The following TRPC3 variants were observed in gnomAD, a reference collection of about 807,000 sequenced individuals.
The protein encoded by TRPC3 is short transient receptor potential channel 3.
Under a neutral mutation model 90.9 loss-of-function variants are expected in TRPC3, and 54 were observed. The observed-to-expected ratio is 0.59, with a 90% CI of 0.48 to 0.75. The LOEUF is 0.75. Among genes scored for constraint, TRPC3 ranks in the 30% least tolerant of loss-of-function variants. TRPC3 has a pLI of 0.00. For synonymous variants in TRPC3, 424 were observed against 450.9 expected, an observed-to-expected ratio of 0.94 and a Z score of 0.75; for missense variants, 918 against 1,194.5, an observed-to-expected ratio of 0.77 and a Z score of 3.41.
chr4:121,946,986 C>T (rs1730510787), intron 1 of TRPC3, among the ~76,000 whole-genome samples: 1 of 151,704 alleles, frequency 6.6e-6, no homozygotes, highest in Admixed American at 6.6e-5. Context: ...AGTTAGAGAC[C>T]AGCCTGGGCA....
At position 121,902,842 on chromosome 4, in the gene TRPC3, C is replaced by T. The variant is rs199536092; in HGVS notation, c.2463+10G>A. 4.7e-4 allele frequency: 739 copies of T among 1,570,926 alleles called. No homozygotes were observed. Among genetic ancestry groups the T allele is most frequent in the African/African-American group, 1.9e-3 (140 of 72,906 alleles). ...TTATTTTAAGGTCTTGGTAAGTTTT[C>T]GATACCTACCCTGGACTTTGAGTTA... is the stretch of plus-strand genomic sequence containing the variant. On this transcript the variant is annotated intron_variant, in intron 9 of 11. Transcript: ENST00000379645.
At position 121,875,138 on chromosome 4, in the gene TRPC3, A is replaced by G. The variant is rs1259396208; in HGVS notation, c.*4598T>C. 6.6e-6 allele frequency among the ~76,000 whole-genome samples: 1 copy of G among 152,088 alleles called. No individual in the cohort carries two copies. The highest frequency in any genetic ancestry group is 6.5e-5 in the Admixed American group (1 of 15,272). On this transcript the variant is annotated 3_prime_UTR_variant, in exon 12 of 12. Coordinates refer to ENST00000379645, the MANE Select transcript of TRPC3 (RefSeq NM_001130698.2). Reference sequence around the variant, plus strand: ...ATGGTTCTAATAAATAGGTAAAAAAAAAAACACCAAAGACAGACAATGCTG... The same window carrying G: ...ATGGTTCTAATAAATAGGTAAAAAAGAAAACACCAAAGACAGACAATGCTG...
At chr4:121,929,791 A>G (rs538034672) in intron 2 of TRPC3, among the ~76,000 whole-genome samples, 2 of 152,238 alleles carry the variant, frequency 1.3e-5, no homozygotes, top group South Asian at 4.1e-4. Flanking sequence ...ACTAGATATT[A>G]TAGGCCATTG....
intron 1 of TRPC3, among the ~76,000 whole-genome samples, chr4:121,946,853 C>A (rs1409796531): frequency 6.6e-6 from 1 of 152,056 alleles, no homozygotes; most frequent in Non-Finnish European, 1.5e-5. Flanking sequence ...TTGCTATATA[C>A]AACTGATAAT....
At chr4:121,924,447 C>A (rs191944305) in intron 3 of TRPC3, among the ~76,000 whole-genome samples, 5 of 152,302 alleles carry the variant, frequency 3.3e-5, no homozygotes, top group Admixed American at 1.3e-4. Context: ...AAGGTCCCAC[C>A]ATGGGTAAAA....
chr4:121,909,016 T>C (rs1217460437), intron 6 of TRPC3, among the ~76,000 whole-genome samples: 2 of 152,078 alleles, frequency 1.3e-5, no homozygotes, highest in Admixed American at 6.6e-5. Context: ...ACAATACATA[T>C]AGGAGATAGG....
chr4:121,904,400 T>G lies in TRPC3; in HGVS notation c.2175A>C (p.Gly725=). 1 of 1,607,752 alleles carries G rather than the reference T, an allele frequency of 6.2e-7. No homozygotes were observed. Among genetic ancestry groups the G allele is most frequent in the Non-Finnish European group, 8.5e-7 (1 of 1,178,344 alleles). The part of the protein sequence containing the change: ...FIENIGYVLY[G]IYNVTMVVVL... ...CGACCACCATAGTTACATTGTATAT[T>G]CCATAAAGAACGTATCCAATATTTT... The change falls in exon 8 of 12, where the codon GGA becomes GGC. Residue 725 remains glycine, a synonymous_variant. Transcript: ENST00000379645.
At position 121,878,866 on chromosome 4, in the gene TRPC3, G is replaced by A. The variant is rs1268752021; in HGVS notation, c.*870C>T. Among the ~76,000 whole-genome samples the A allele has an allele frequency of 1.3e-5, 2 of 152,094 alleles. No individual in the cohort carries two copies. The highest frequency in any genetic ancestry group is 4.8e-5 in the African/African-American group (2 of 41,404). On this transcript the variant is annotated 3_prime_UTR_variant, in exon 12 of 12. Transcript: ENST00000379645. ...AACTCAGCAGGGAGCTCACAGGTGA[G>A]ATATGAAGTCAGCTGTTGATATCTC...
chr4:121,909,895 CT>C (rs1168867815), intron 6 of TRPC3, among the ~76,000 whole-genome samples: 1 of 152,024 alleles, frequency 6.6e-6, no homozygotes, highest in Non-Finnish European at 1.5e-5. Context: ...TTTCTTCCAC[CT>C]TGCAATATTG....
intron 6 of TRPC3, among the ~76,000 whole-genome samples, chr4:121,908,570 C>CT (rs1371404925): frequency 7.2e-5 from 11 of 152,070 alleles, no homozygotes. Context: ...AAATCATGTC[C>CT]TTTGCAGCAA....
intron 10 of TRPC3, among the ~76,000 whole-genome samples, chr4:121,884,372 G>A (rs1280549599): frequency 6.6e-6 from 1 of 152,198 alleles, no homozygotes; most frequent in Admixed American, 6.5e-5. Flanking sequence ...GTGCATATAA[G>A]TAGAGGCAAT....
chr4:121,922,176 C>G lies in TRPC3; in HGVS notation c.1176+2842G>C, dbSNP rs532894386. Reference sequence around the variant, plus strand: ...TGACCTCGTGATCCACCTGCCTCGGCCCCCCAAAGTGCTGGGATTACAGGT... The same window carrying G: ...TGACCTCGTGATCCACCTGCCTCGGGCCCCCAAAGTGCTGGGATTACAGGT... On this transcript the variant is annotated intron_variant, in intron 3 of 11. Coordinates refer to ENST00000379645, the MANE Select transcript of TRPC3 (RefSeq NM_001130698.2). Among the ~76,000 whole-genome samples, 112 of 152,068 alleles carry G rather than the reference C, an allele frequency of 7.4e-4. 1 individual carries two copies. The highest frequency in any genetic ancestry group is 2.5e-3 in the African/African-American group (104 of 41,478).
At chr4:121,943,099 T>C (rs940484047) in intron 1 of TRPC3, among the ~76,000 whole-genome samples, 2 of 152,202 alleles carry the variant, frequency 1.3e-5, no homozygotes, top group Admixed American at 6.5e-5. Flanking sequence ...TTTTAGTATA[T>C]GGTGATGAAT....
At chr4:121,888,216 C>G (rs981693025) in intron 10 of TRPC3, among the ~76,000 whole-genome samples, 1 of 152,086 alleles carries the variant, frequency 6.6e-6, no homozygotes, top group African/African-American at 2.4e-5. Context: ...ATATTTGAAT[C>G]TCTGTCTTTG....
chr4:121,919,224 A>G (rs1729421595), intron 3 of TRPC3, among the ~76,000 whole-genome samples: 1 of 152,174 alleles, frequency 6.6e-6, no homozygotes. Flanking sequence ...CAAATTTTAA[A>G]CTTAAAAATT....
chr4:121,930,920 T>C, intron 2 of TRPC3: 2 of 292,716 alleles, frequency 6.8e-6, no homozygotes, highest in Non-Finnish European at 1.3e-5. Context: ...AGGGGTTAGA[T>C]ATAAGGTAAG....
At chr4:121,896,990 G>A (rs925820137) in intron 10 of TRPC3, among the ~76,000 whole-genome samples, 7 of 151,958 alleles carry the variant, frequency 4.6e-5, no homozygotes, top group African/African-American at 1.7e-4. Context: ...TAATCCATGT[G>A]TCTATAACCA....
At chr4:121,894,088 A>T (rs969272230) in intron 10 of TRPC3, among the ~76,000 whole-genome samples, 6 of 152,182 alleles carry the variant, frequency 3.9e-5, no homozygotes, top group Non-Finnish European at 7.4e-5. Flanking sequence ...TTTGTTCATG[A>T]TTGAGATGTT....
chr4:121,897,453 C>CAAAAAAAAAAAAAAAA (rs70950860), intron 10 of TRPC3, among the ~76,000 whole-genome samples: 6 of 43,434 alleles, frequency 1.4e-4, no homozygotes, highest in East Asian at 7.6e-4. Flanking sequence ...ATCTCAACAG[C>CAAAAAAAAAAAAAAAA]AAAAAAAAAA....
Sources: allele counts gnomAD v4.1 joint callset (sites outside exome capture counted in the v4.1 genomes callset), GRCh38; gene constraint gnomAD v4.1.1; transcripts MANE v1.5; gene names NCBI Gene and HGNC (gene_info 2026-07-23, HGNC 2026-07-21).